WIF1: variants seen among roughly 807,000 people sequenced by gnomAD.
WIF1 encodes the protein Wnt inhibitory factor 1.
In WIF1, 35 loss-of-function variants were observed where a neutral mutation model predicts 53.5. The observed-to-expected ratio is 0.65, with a 90% CI of 0.50 to 0.87. The LOEUF (loss-of-function observed/expected upper bound fraction) is 0.87, where lower values mean the gene tolerates loss of function less well. Among genes scored for constraint, WIF1 ranks in the 40% least tolerant of loss-of-function variants. The pLI, the probability that WIF1 is intolerant of heterozygous loss-of-function variation, is 0.00. For synonymous variants in WIF1, 171 were observed against 170.4 expected (o/e 1.00, Z -0.03); for missense variants, 467 against 476.8 (o/e 0.98, Z 0.19).
intron 2 of WIF1, among the ~76,000 whole-genome samples, chr12:65,116,037 A>G (rs921617761): frequency 2.6e-5 from 4 of 152,236 alleles, no homozygotes; most frequent in African/African-American, 9.6e-5. Flanking sequence ...TTTGATGTAA[A>G]ATAATCTTTT....
chr12:65,090,373 C>T (rs1883104575), intron 2 of WIF1, among the ~76,000 whole-genome samples: 1 of 152,136 alleles, frequency 6.6e-6, no homozygotes, highest in Non-Finnish European at 1.5e-5. Context: ...TGGAGTGTGC[C>T]AGGCATAAGG....
At chr12:65,077,701 A>T in intron 3 of WIF1, 45 bp downstream of exon 3, 1 of 1,346,292 alleles carries the variant, frequency 7.4e-7, no homozygotes, top group Non-Finnish European at 1.1e-6. Flanking sequence ...TCTTATCATC[A>T]TTACATTTTA....
At chr12:65,067,634 C>A in intron 5 of WIF1, 61 bp downstream of exon 5, 1 of 1,482,386 alleles carries the variant, frequency 6.7e-7, no homozygotes, top group Non-Finnish European at 9.4e-7. Flanking sequence ...ACACATGGGG[C>A]TCCTGCACGA....
chr12:65,103,623 G>GAT (rs1158258486), intron 2 of WIF1, among the ~76,000 whole-genome samples: 2 of 152,172 alleles, frequency 1.3e-5, no homozygotes, highest in Non-Finnish European at 2.9e-5. Context: ...ATGATGATTT[G>GAT]ATATATATAG....
intron 2 of WIF1, among the ~76,000 whole-genome samples, chr12:65,115,061 T>A (rs550992826): frequency 2.0e-5 from 3 of 151,040 alleles, no homozygotes; most frequent in Non-Finnish European, 4.4e-5. Flanking sequence ...TTCTATTCCA[T>A]AGACACCAAT....
chr12:65,119,642 C>CAA, intron 2 of WIF1, among the ~76,000 whole-genome samples: 1 of 152,266 alleles, frequency 6.6e-6, no homozygotes, highest in South Asian at 2.1e-4. Flanking sequence ...AACTAATAAG[C>CAA]TGAAGAATGC....
At chr12:65,080,379 G>A (rs1369607980) in intron 2 of WIF1, among the ~76,000 whole-genome samples, 1 of 152,154 alleles carries the variant, frequency 6.6e-6, no homozygotes, top group African/African-American at 2.4e-5. Flanking sequence ...GAAGGCAGAG[G>A]TTTATAAGAA....
chr12:65,062,399 C>A, intron 7 of WIF1, 82 bp downstream of exon 7: 1 of 1,206,046 alleles, frequency 8.3e-7, no homozygotes, highest in Non-Finnish European at 1.2e-6. Context: ...GGGCTTCCGA[C>A]TCCTCCTTGA....
At chr12:65,068,685 GTA>G (rs1555186255) in intron 4 of WIF1, 77 bp downstream of exon 4, 6 of 1,128,660 alleles carry the variant, frequency 5.3e-6, no homozygotes, top group Admixed American at 4.5e-5. Context: ...GTGTGTGTGT[GTA>G]TAGATATAAA....
chr12:65,066,836 G>A (rs891504271), intron 5 of WIF1, 100 bp from the exon 6 acceptor site: 8 of 703,466 alleles, frequency 1.1e-5, no homozygotes, highest in Admixed American at 7.6e-5. Context: ...TTCAAGCTTT[G>A]TGGTTGACTC....
chr12:65,116,591 A>G (rs1883514133), intron 2 of WIF1, among the ~76,000 whole-genome samples: 1 of 152,006 alleles, frequency 6.6e-6, no homozygotes, highest in South Asian at 2.1e-4. Context: ...TGCACTATCC[A>G]TGTAATGCAC....
At chr12:65,108,073 C>A (rs1034796554) in intron 2 of WIF1, among the ~76,000 whole-genome samples, 3 of 152,190 alleles carry the variant, frequency 2.0e-5, no homozygotes, top group Non-Finnish European at 4.4e-5. Flanking sequence ...CCTCCCCCAG[C>A]CGAGTTAATG....
intron 2 of WIF1, among the ~76,000 whole-genome samples, chr12:65,082,456 G>T (rs1402189544): frequency 6.6e-6 from 1 of 152,156 alleles, no homozygotes; most frequent in Non-Finnish European, 1.5e-5. Flanking sequence ...GGAAACACAT[G>T]AAAAGGTTGC....
chr12:65,088,317 T>C (rs1413284501), intron 2 of WIF1, among the ~76,000 whole-genome samples: 1 of 152,184 alleles, frequency 6.6e-6, no homozygotes, highest in African/African-American at 2.4e-5. Context: ...GAGATTACTA[T>C]ATACGAATCC....
intron 2 of WIF1, among the ~76,000 whole-genome samples, chr12:65,089,834 G>C (rs1022929634): frequency 6.6e-6 from 1 of 151,844 alleles, no homozygotes; most frequent in African/African-American, 2.4e-5. Flanking sequence ...TTGTACTTAC[G>C]GTAAAAATCT....
At chr12:65,068,327 C>T (rs577062076) in intron 4 of WIF1, among the ~76,000 whole-genome samples, 4 of 152,052 alleles carry the variant, frequency 2.6e-5, no homozygotes, top group East Asian at 3.9e-4. Context: ...GTCTGTCCTC[C>T]GTGGATATTC....
At position 65,077,795 on chromosome 12, in the gene WIF1, A is replaced by G; in HGVS notation, c.348T>C (p.Asp116=). The G allele has an allele frequency of 1.9e-6, 3 of 1,613,936 alleles. No homozygotes were observed. Among genetic ancestry groups the G allele is most frequent in the Non-Finnish European group, 2.5e-6 (3 of 1,179,884 alleles). Residue 116 remains aspartate, a synonymous_variant, in exon 3 of 10, where the codon GAT becomes GAC. Coordinates refer to ENST00000286574, the MANE Select transcript of WIF1 (RefSeq NM_007191.5). ...CCAGCAGAGGGACATTGACGGTTGG[A>G]TCTGCCATGATGCCTTTATCCAGGG... The part of the protein sequence containing the change: ...LRSLDKGIMA[D]PTVNVPLLGT...
At chr12:65,062,936 A>G (rs1882635605) in intron 6 of WIF1, among the ~76,000 whole-genome samples, 1 of 152,158 alleles carries the variant, frequency 6.6e-6, no homozygotes, top group Non-Finnish European at 1.5e-5. Flanking sequence ...ATCAGTTTAG[A>G]GGATAAGAGA....
intron 2 of WIF1, among the ~76,000 whole-genome samples, chr12:65,118,990 G>T (rs1368652969): frequency 2.6e-5 from 4 of 151,998 alleles, no homozygotes; most frequent in African/African-American, 9.7e-5. Flanking sequence ...GCCTTTTATT[G>T]ATTCTTACGA....
Sources: gnomAD v4.1 joint callset for allele counts (sites outside exome capture counted in the v4.1 genomes callset) on GRCh38, gnomAD v4.1.1 for gene constraint, MANE v1.5 for transcripts, NCBI Gene and HGNC (gene_info 2026-07-23, HGNC 2026-07-21) for gene names.